The following CCDC171 variants were observed in gnomAD, a reference collection of about 807,000 sequenced individuals.
CCDC171 encodes coiled-coil domain-containing protein 171.
CCDC171 carries 177 observed loss-of-function variants against 168.2 expected under a neutral mutation model. That is an observed-to-expected ratio of 1.05 (90% CI 0.93 to 1.19). The LOEUF is 1.19. Ranked by LOEUF, CCDC171 falls within the 50% of genes most tolerant of loss-of-function variation. CCDC171 has a pLI of 0.00. For missense variants in CCDC171, 1,991 were observed against 1,539.0 expected (o/e 1.29, Z -4.91); for synonymous variants, 687 against 540.8 (o/e 1.27, Z -3.75).
At position 15,571,642 on chromosome 9, in the gene CCDC171, G is replaced by A; in HGVS notation, c.60G>A (p.Leu20=). The A allele has an allele frequency of 6.4e-7, 1 of 1,560,522 alleles. No homozygotes were observed. The highest frequency in any genetic ancestry group is 8.6e-7 in the Non-Finnish European group (1 of 1,160,470). The change falls in exon 3 of 26, where the codon TTG becomes TTA. Residue 20 remains leucine, a synonymous_variant. Transcript: ENST00000380701. ...GDTQRLKIAS[L]DVKQILKNET... ...TTTAAAGGTTGAAGATTGCCTCATT[G>A]GATGTAAAACAAATACTTAAAAATG...
At chr9:15,691,594 A>G (rs1271754867) in intron 10 of CCDC171, among the ~76,000 whole-genome samples, 1 of 144,486 alleles carries the variant, frequency 6.9e-6, no homozygotes, top group Admixed American at 7.0e-5. Context: ...TTGGTGCTTT[A>G]TAAATACTGT....
Position 15,775,519 on chromosome 9 carries a change from T to C in CCDC171, c.2672-2081T>C, listed in dbSNP as rs1275825925. On this transcript the variant is annotated intron_variant, in intron 18 of 25. Transcript: ENST00000380701. ...ATTTTTAGTAGAGACAAGGTTTCAC[T>C]GTTTTAGCCAGGATGGTCTCGATCT... Among the ~76,000 whole-genome samples the C allele has an allele frequency of 2.0e-5, 3 of 152,180 alleles. No individual in the cohort carries two copies. The East Asian group carries it at 5.8e-4, about 29-fold the overall frequency.
chr9:15,828,685 G>A (rs992500769), intron 21 of CCDC171, among the ~76,000 whole-genome samples: 3 of 152,148 alleles, frequency 2.0e-5, no homozygotes, highest in East Asian at 1.9e-4. Context: ...TGTAAAAGCC[G>A]TAGGTTGTCA....
chr9:15,637,045 C>G, intron 7 of CCDC171, among the ~76,000 whole-genome samples: 1 of 151,998 alleles, frequency 6.6e-6, no homozygotes, highest in East Asian at 1.9e-4. Context: ...CACTTGAGGT[C>G]AGGAGTTTGA....
intron 21 of CCDC171, among the ~76,000 whole-genome samples, chr9:15,842,854 C>G (rs2060740586): frequency 6.6e-6 from 1 of 151,674 alleles, no homozygotes; most frequent in Non-Finnish European, 1.5e-5. Context: ...TTATGTATGA[C>G]TTAAAATAAT....
At chr9:15,590,558 G>A (rs1468158167) in intron 4 of CCDC171, among the ~76,000 whole-genome samples, 2 of 152,150 alleles carry the variant, frequency 1.3e-5, no homozygotes, top group Admixed American at 1.3e-4. Flanking sequence ...CGGGTAGGAG[G>A]TGAGTTGCAC....
chr9:15,786,992 T>C (rs1399198887), intron 21 of CCDC171, among the ~76,000 whole-genome samples: 1 of 152,166 alleles, frequency 6.6e-6, no homozygotes, highest in African/African-American at 2.4e-5. Flanking sequence ...CCCAAGTGAA[T>C]AAACAGCCTT....
chr9:15,685,289 T>G (rs2050310076), intron 10 of CCDC171, among the ~76,000 whole-genome samples: 2 of 152,174 alleles, frequency 1.3e-5, no homozygotes, highest in African/African-American at 4.8e-5. Flanking sequence ...CCTTGTATAT[T>G]AAAAGGTTGT....
At chr9:15,591,615 A>G (rs2042014370) in intron 5 of CCDC171, 59 bp downstream of exon 5, 4 of 926,956 alleles carry the variant, frequency 4.3e-6, no homozygotes, top group East Asian at 5.1e-5. Context: ...GATGTGTTGT[A>G]CATTACTTGA....
chr9:15,933,590 T>A (rs1008665962), intron 25 of CCDC171, among the ~76,000 whole-genome samples: 5 of 151,996 alleles, frequency 3.3e-5, no homozygotes, highest in Non-Finnish European at 7.4e-5. Context: ...ATTAGGTTGT[T>A]TATTAGAAAT....
At chr9:15,798,905 T>C (rs957147054) in intron 21 of CCDC171, among the ~76,000 whole-genome samples, 2 of 151,832 alleles carry the variant, frequency 1.3e-5, no homozygotes, top group African/African-American at 4.8e-5. Context: ...CTATTTCACC[T>C]ATCACAGTCT....
At chr9:15,717,419 C>T (rs908772594) in intron 11 of CCDC171, among the ~76,000 whole-genome samples, 1 of 152,158 alleles carries the variant, frequency 6.6e-6, no homozygotes, top group African/African-American at 2.4e-5. Flanking sequence ...ACAAGGACTG[C>T]AACTCCTAGG....
intron 25 of CCDC171, among the ~76,000 whole-genome samples, chr9:15,933,966 T>C (rs1035623155): frequency 7.2e-5 from 11 of 151,954 alleles, no homozygotes; most frequent in African/African-American, 2.7e-4. Flanking sequence ...AAAGACTCTA[T>C]CAAGACAGTG....
intron 24 of CCDC171, among the ~76,000 whole-genome samples, chr9:15,915,215 G>A (rs916274753): frequency 6.6e-6 from 1 of 152,074 alleles, no homozygotes; most frequent in African/African-American, 2.4e-5. Context: ...ATTGCTTTGG[G>A]CAATATGGTC....
At chr9:15,927,824 T>C (rs1371587331) in intron 25 of CCDC171, among the ~76,000 whole-genome samples, 1 of 151,754 alleles carries the variant, frequency 6.6e-6, no homozygotes, top group East Asian at 1.9e-4. Context: ...ATTTGTTAAT[T>C]TTAGTGTTGT....
chr9:15,899,156 T>G (rs141796770), intron 24 of CCDC171, among the ~76,000 whole-genome samples: 1 of 152,342 alleles, frequency 6.6e-6, no homozygotes, highest in Non-Finnish European at 1.5e-5. Flanking sequence ...GTTTATTCCT[T>G]TATTTGTCAA....
the CCDC171 span, among the ~76,000 whole-genome samples, chr9:16,077,425 G>T: frequency 2.0e-5 from 3 of 152,140 alleles, no homozygotes; most frequent in Non-Finnish European, 4.4e-5. Flanking sequence ...CATGACAGGT[G>T]GAGAATACTT....
At chr9:15,556,721 C>T (rs1002969343) in intron 1 of CCDC171, among the ~76,000 whole-genome samples, 19 of 151,810 alleles carry the variant, frequency 1.3e-4, no homozygotes, top group Admixed American at 1.2e-3. Context: ...GTTTCTTTTG[C>T]TGTGCAGAAG....
chr9:15,558,339 A>G (rs913751169), intron 1 of CCDC171, among the ~76,000 whole-genome samples: 1 of 152,172 alleles, frequency 6.6e-6, no homozygotes, highest in African/African-American at 2.4e-5. Context: ...TACCTCTGGT[A>G]GAATTTGGCA....
Sources: allele counts gnomAD v4.1 joint callset (sites outside exome capture counted in the v4.1 genomes callset), GRCh38; gene constraint gnomAD v4.1.1; transcripts MANE v1.5; gene names NCBI Gene and HGNC (gene_info 2026-07-23, HGNC 2026-07-21).